The following VPS13B variants were observed in gnomAD, a reference collection of about 807,000 sequenced individuals.
VPS13B encodes vacuolar protein sorting 13 homolog B.
A neutral mutation model predicts 426.4 loss-of-function variants in VPS13B; 285 were observed. That is an observed-to-expected ratio of 0.67 (90% CI 0.61 to 0.74). The LOEUF (loss-of-function observed/expected upper bound fraction) is 0.74, where lower values mean the gene tolerates loss of function less well. VPS13B is among the 30% of genes least tolerant of loss of function. The probability of loss-of-function intolerance (pLI) is 0.00; values close to 1 mark genes in which losing one functional copy is unlikely to be tolerated. For synonymous variants in VPS13B, 1,676 were observed against 1,676.4 expected, an observed-to-expected ratio of 1.00 and a Z score of 0.01; for missense variants, 4,537 against 4,782.6, an observed-to-expected ratio of 0.95 and a Z score of 1.51.
At chr8:99,509,167 T>G (rs1237232187) in intron 28 of VPS13B, among the ~76,000 whole-genome samples, 3 of 152,086 alleles carry the variant, frequency 2.0e-5, no homozygotes, top group African/African-American at 4.8e-5. Flanking sequence ...CCACTGGGGG[T>G]ATACCTTAAC....
chr8:99,239,546 C>G (rs1816810194), intron 17 of VPS13B, among the ~76,000 whole-genome samples: 1 of 152,072 alleles, frequency 6.6e-6, no homozygotes, highest in Non-Finnish European at 1.5e-5. Context: ...TTCTAGTAAA[C>G]TGTTTGGTTT....
At chr8:99,047,162 T>A (rs1245821622) in intron 3 of VPS13B, among the ~76,000 whole-genome samples, 1 of 151,982 alleles carries the variant, frequency 6.6e-6, no homozygotes, top group Non-Finnish European at 1.5e-5. Context: ...GGTCCTGGAC[T>A]TTTTTTTGTT....
intron 42 of VPS13B, among the ~76,000 whole-genome samples, chr8:99,783,527 A>C (rs1428996614): frequency 1.3e-5 from 2 of 152,316 alleles, no homozygotes; most frequent in East Asian, 1.9e-4. Flanking sequence ...CCAGTGTTTT[A>C]ATGTAACAGC....
intron 35 of VPS13B, among the ~76,000 whole-genome samples, chr8:99,678,187 G>A (rs1367712729): frequency 1.3e-5 from 2 of 151,950 alleles, no homozygotes; most frequent in African/African-American, 2.4e-5. Context: ...TACAACTGCT[G>A]ATGATAGGAA....
At chr8:99,486,254 T>G (rs1263191815) in intron 25 of VPS13B, among the ~76,000 whole-genome samples, 1 of 152,038 alleles carries the variant, frequency 6.6e-6, no homozygotes, top group Non-Finnish European at 1.5e-5. Context: ...GTTTTTTTTT[T>G]TACTATAGTT....
At chr8:99,313,891 C>T (rs1208749796) in intron 19 of VPS13B, among the ~76,000 whole-genome samples, 1 of 152,134 alleles carries the variant, frequency 6.6e-6, no homozygotes, top group East Asian at 1.9e-4. Flanking sequence ...CCCACCCTTG[C>T]TGCCATCTTG....
chr8:99,050,972 C>T (rs200772821), intron 3 of VPS13B, among the ~76,000 whole-genome samples: 2 of 151,988 alleles, frequency 1.3e-5, no homozygotes, highest in Admixed American at 6.6e-5. Context: ...TTTTCCCATT[C>T]TGTAGGTTGT....
intron 39 of VPS13B, among the ~76,000 whole-genome samples, chr8:99,748,280 T>A (rs2130523777): frequency 6.6e-6 from 1 of 152,142 alleles, no homozygotes; most frequent in South Asian, 2.1e-4. Context: ...AGCCAGAAAT[T>A]CTATCTGCAA....
At chr8:99,367,236 C>T (rs1365378076) in intron 19 of VPS13B, among the ~76,000 whole-genome samples, 5 of 152,130 alleles carry the variant, frequency 3.3e-5, no homozygotes, top group African/African-American at 1.2e-4. Flanking sequence ...GTCTTTATTT[C>T]TCCTTCATGT....
intron 29 of VPS13B, among the ~76,000 whole-genome samples, chr8:99,514,963 G>C (rs1376055354): frequency 1.3e-5 from 2 of 152,220 alleles, no homozygotes; most frequent in African/African-American, 4.8e-5. Flanking sequence ...AGAGCAAAGG[G>C]AGCTCACGCT....
At chr8:99,804,221 C>A in intron 43 of VPS13B, 2 of 152,700 alleles carry the variant, frequency 1.3e-5, no homozygotes, top group South Asian at 3.9e-4. Flanking sequence ...CGCAGGATGC[C>A]ATGAGGCAGC....
In VPS13B at chr8:99,121,213, C is replaced by T. The variant is rs1357495902; in HGVS notation, c.974C>T (p.Pro325Leu). The T allele has an allele frequency of 6.2e-7, 1 of 1,613,780 alleles. No individual in the cohort carries two copies. The highest frequency in any genetic ancestry group is 8.5e-7 in the Non-Finnish European group (1 of 1,179,944). Residue 325 changes from proline (P) to leucine (L), a missense_variant, in exon 8 of 62, where the codon CCT becomes CTT. Physicochemically the swap from Pro to Leu is moderately conservative, Grantham distance 98 (BLOSUM62 -3). Coordinates refer to ENST00000357162, the MANE Select transcript of VPS13B (RefSeq NM_152564.5). ...EDETRIDMQY[P>L]AQHKGQELYS... Reference sequence around the variant, plus strand: ...GAAACAAGAATAGATATGCAATATCCTGCTCAGCATAAAGGTCAAGAGTTA... The same window carrying T: ...GAAACAAGAATAGATATGCAATATCTTGCTCAGCATAAAGGTCAAGAGTTA...
At chr8:99,770,146 G>A (rs971045040) in intron 40 of VPS13B, among the ~76,000 whole-genome samples, 8 of 152,114 alleles carry the variant, frequency 5.3e-5, no homozygotes, top group Admixed American at 2.6e-4. Flanking sequence ...GTGACAGAGC[G>A]AGACCCTGTC....
At chr8:99,655,683 A>G (rs957184717) in intron 34 of VPS13B, among the ~76,000 whole-genome samples, 1 of 151,976 alleles carries the variant, frequency 6.6e-6, no homozygotes, top group African/African-American at 2.4e-5. Flanking sequence ...GCTTTTCCTC[A>G]CTGTACTGTC....
chr8:99,537,386 T>C (rs1823308675), intron 30 of VPS13B, among the ~76,000 whole-genome samples: 1 of 152,210 alleles, frequency 6.6e-6, no homozygotes, highest in African/African-American at 2.4e-5. Flanking sequence ...TACATATCTA[T>C]AATAAAATAG....
rs865998297 is a variant in VPS13B, at chr8:99,274,271, A to G, written c.2589A>G (p.Thr863=). The change falls in exon 18 of 62, where the codon ACA becomes ACG. Residue 863 remains threonine (T), a synonymous_variant. Transcript: ENST00000357162. ...IQNVELKYCS[T]SLVKCASGTM... is the part of the protein sequence containing the mutation. ...ATGTTGAATTGAAGTACTGCAGCAC[A>G]TCATTGGTCAAATGTGCCTCTGGGA... is the stretch of plus-strand genomic sequence containing the variant. 5 of 1,614,180 alleles carry G rather than the reference A, an allele frequency of 3.1e-6. No homozygotes were observed. In the Middle Eastern group the frequency reaches 6.6e-4, roughly 213 times the overall value.
intron 36 of VPS13B, among the ~76,000 whole-genome samples, chr8:99,711,881 AC>A (rs1832722377): frequency 6.6e-6 from 1 of 152,358 alleles, no homozygotes; most frequent in Admixed American, 6.5e-5. Context: ...ATACATGCCT[AC>A]ATAAATATCA....
Position 99,744,809 on chromosome 8 carries a change from G to A in VPS13B, c.7051-21965G>A, listed in dbSNP as rs538591383. 1.4e-3 allele frequency among the ~76,000 whole-genome samples: 219 copies of A among 151,630 alleles called. 1 individual carries two copies. The highest frequency in any genetic ancestry group is 2.5e-3 in the Non-Finnish European group (172 of 67,866). On this transcript the variant is annotated intron_variant, in intron 39 of 61. Coordinates refer to ENST00000357162, the MANE Select transcript of VPS13B (RefSeq NM_152564.5). ...CACAGGAAGGGGAACATCACACACCGGGGCCTGTTGTGGGGTGGGGGGAAG... is the reference window on the plus strand; with the variant it reads ...CACAGGAAGGGGAACATCACACACCAGGGCCTGTTGTGGGGTGGGGGGAAG...
intron 19 of VPS13B, among the ~76,000 whole-genome samples, chr8:99,309,203 A>G (rs992511030): frequency 3.9e-5 from 6 of 152,088 alleles, no homozygotes; most frequent in African/African-American, 1.4e-4. Context: ...CCATTTGTCA[A>G]TTTTGGCTTT....
Sources: allele counts gnomAD v4.1 joint callset (sites outside exome capture counted in the v4.1 genomes callset), GRCh38; gene constraint gnomAD v4.1.1; transcripts MANE v1.5; gene names NCBI Gene and HGNC (gene_info 2026-07-23, HGNC 2026-07-21).